Variants in SPIDR observed in about 807,000 individuals in gnomAD.
SPIDR encodes DNA repair-scaffolding protein.
In SPIDR, 93 loss-of-function variants were observed where a neutral mutation model predicts 104.6. The ratio of observed to expected loss-of-function variants is 0.89; its 90% CI spans 0.75 to 1.06. The LOEUF (loss-of-function observed/expected upper bound fraction) is 1.06, where lower values mean the gene tolerates loss of function less well. Among genes scored for constraint, SPIDR ranks in the 50% least tolerant of loss-of-function variants. The pLI is 0.00. For synonymous variants in SPIDR, 431 were observed against 416.9 expected (o/e 1.03, Z -0.41); for missense variants, 1,154 against 1,111.2 (o/e 1.04, Z -0.55).
intron 8 of SPIDR, among the ~76,000 whole-genome samples, chr8:47,508,508 A>G (rs894756142): frequency 3.3e-5 from 5 of 152,106 alleles, no homozygotes; most frequent in African/African-American, 1.2e-4. Flanking sequence ...ACCACCCTGA[A>G]CCTTTCAAAT....
intron 5 of SPIDR, among the ~76,000 whole-genome samples, chr8:47,340,282 G>A (rs1330769674): frequency 1.3e-5 from 2 of 151,988 alleles, no homozygotes; most frequent in Non-Finnish European, 2.9e-5. Context: ...GTTTAAGTTC[G>A]GTTTCTGGCT....
intron 5 of SPIDR, among the ~76,000 whole-genome samples, chr8:47,371,757 G>A (rs1395536060): frequency 6.6e-6 from 1 of 152,120 alleles, no homozygotes; most frequent in African/African-American, 2.4e-5. Context: ...ATGAAATAAA[G>A]CCTCTGTCAC....
At chr8:47,576,980 A>G (rs1007924772) in intron 8 of SPIDR, among the ~76,000 whole-genome samples, 4 of 152,180 alleles carry the variant, frequency 2.6e-5, no homozygotes, top group African/African-American at 9.7e-5. Context: ...CTGGAGAAAA[A>G]TGTGTAATGG....
Position 47,526,255 on chromosome 8 carries a change from A to G in SPIDR, c.1098-69556A>G, listed in dbSNP as rs541111769. ...GCCTTGCTGACATCACAACATGTGC[A>G]TTTCTCACTGTTCTTGGTTATTTAA... On this transcript the variant is annotated intron_variant, in intron 8 of 19. Transcript: ENST00000297423. Among the ~76,000 whole-genome samples the G allele has an allele frequency of 2.0e-5, 3 of 152,284 alleles. No individual in the cohort carries two copies. In the South Asian group the frequency reaches 6.2e-4, roughly 32 times the overall value.
intron 8 of SPIDR, among the ~76,000 whole-genome samples, chr8:47,568,933 G>GA (rs2058208162): frequency 6.6e-6 from 1 of 151,956 alleles, no homozygotes; most frequent in Non-Finnish European, 1.5e-5. Context: ...ATTAAAAATG[G>GA]AAAAAATGTA....
At chr8:47,464,113 TACACACACACACACACACACACACAC>T (rs113515816) in intron 8 of SPIDR, among the ~76,000 whole-genome samples, 1 of 143,366 alleles carries the variant, frequency 7.0e-6, no homozygotes, top group African/African-American at 2.5e-5. Context: ...CTAAAGATTA[TACACACACACACACACACACACACAC>T]ACACACACAC....
chr8:47,617,294 T>G (rs983529997), intron 10 of SPIDR, among the ~76,000 whole-genome samples: 1 of 152,162 alleles, frequency 6.6e-6, no homozygotes, highest in Non-Finnish European at 1.5e-5. Context: ...CACTGTTACC[T>G]CCATTGGTAC....
At chr8:47,492,066 GAA>G (rs2078809276) in intron 8 of SPIDR, among the ~76,000 whole-genome samples, 1 of 151,470 alleles carries the variant, frequency 6.6e-6, no homozygotes, top group African/African-American at 2.4e-5. Flanking sequence ...TCCCCAACCT[GAA>G]AAGAGAAGCC....
intron 10 of SPIDR, among the ~76,000 whole-genome samples, chr8:47,621,590 A>G (rs1475729406): frequency 6.6e-6 from 1 of 152,200 alleles, no homozygotes; most frequent in Non-Finnish European, 1.5e-5. Context: ...CATTTGGCCC[A>G]GGCCTCTCAG....
chr8:47,433,479 G>A (rs563617952), intron 7 of SPIDR, among the ~76,000 whole-genome samples: 6 of 9,710 alleles, frequency 6.2e-4, no homozygotes, highest in South Asian at 6.0e-3. Context: ...GGCTCCAGCC[G>A]ACCACATTTA....
chr8:47,488,686 G>A (rs1332803389), intron 8 of SPIDR, among the ~76,000 whole-genome samples: 2 of 152,132 alleles, frequency 1.3e-5, no homozygotes, highest in African/African-American at 2.4e-5. Context: ...GGGATGCAAG[G>A]CAGGTTCAAC....
At chr8:47,300,318 T>A (rs1245981330) in intron 5 of SPIDR, among the ~76,000 whole-genome samples, 1 of 152,208 alleles carries the variant, frequency 6.6e-6, no homozygotes, top group Non-Finnish European at 1.5e-5. Flanking sequence ...CATTTTTTAT[T>A]CCGTCTATCT....
chr8:47,318,156 A>G (rs2154259906), intron 5 of SPIDR, among the ~76,000 whole-genome samples: 1 of 152,316 alleles, frequency 6.6e-6, no homozygotes, highest in African/African-American at 2.4e-5. Flanking sequence ...GAGCTAAAGG[A>G]GGAAGTTCGA....
intron 8 of SPIDR, among the ~76,000 whole-genome samples, chr8:47,555,971 A>G (rs959100208): frequency 6.6e-6 from 1 of 152,204 alleles, no homozygotes; most frequent in African/African-American, 2.4e-5. Context: ...AATAGAAGCA[A>G]AAACTCTTAG....
At chr8:47,626,251 A>G (rs2066084977) in intron 10 of SPIDR, among the ~76,000 whole-genome samples, 1 of 152,252 alleles carries the variant, frequency 6.6e-6, no homozygotes, top group African/African-American at 2.4e-5. Flanking sequence ...GATGGATTAA[A>G]GACTTACATG....
At chr8:47,615,213 A>G (rs543044047) in intron 10 of SPIDR, among the ~76,000 whole-genome samples, 1 of 151,902 alleles carries the variant, frequency 6.6e-6, no homozygotes, top group Non-Finnish European at 1.5e-5. Flanking sequence ...GTGAGTCACT[A>G]TGCCCAGCCA....
chr8:47,678,723 A>T (rs2076742728), intron 11 of SPIDR, among the ~76,000 whole-genome samples: 1 of 152,152 alleles, frequency 6.6e-6, no homozygotes, highest in Non-Finnish European at 1.5e-5. Flanking sequence ...TCCCCTGGGG[A>T]GTGAGGCAAG....
chr8:47,498,420 C>G (rs1564145971), intron 8 of SPIDR, among the ~76,000 whole-genome samples: 1 of 152,128 alleles, frequency 6.6e-6, no homozygotes, highest in Non-Finnish European at 1.5e-5. Flanking sequence ...TTTTTAAAAG[C>G]AACCCAGAAC....
chr8:47,609,236 T>C (rs1425041401), intron 10 of SPIDR, among the ~76,000 whole-genome samples: 2 of 152,242 alleles, frequency 1.3e-5, no homozygotes, highest in Admixed American at 6.5e-5. Flanking sequence ...CAAAGATTTA[T>C]CATTTTAATG....
Sources: allele counts gnomAD v4.1 joint callset (sites outside exome capture counted in the v4.1 genomes callset), GRCh38; gene constraint gnomAD v4.1.1; transcripts MANE v1.5; gene names NCBI Gene and HGNC (gene_info 2026-07-23, HGNC 2026-07-21).